The following PDE7B variants were observed in gnomAD, a reference collection of about 807,000 sequenced individuals.
PDE7B encodes 3',5'-cyclic-AMP phosphodiesterase 7B.
Under a neutral mutation model 56.2 loss-of-function variants are expected in PDE7B, and 29 were observed. The ratio of observed to expected loss-of-function variants is 0.52; its 90% CI spans 0.38 to 0.70. PDE7B has a LOEUF of 0.70. PDE7B is among the 30% of genes least tolerant of loss of function. The pLI, the probability that PDE7B is intolerant of heterozygous loss-of-function variation, is 0.00. For synonymous variants in PDE7B, 197 were observed against 196.9 expected (o/e 1.00, Z 0.00); for missense variants, 490 against 565.0 (o/e 0.87, Z 1.35).
intron 2 of PDE7B, chr6:135,993,062 C>A (rs907498357): frequency 3.3e-5 from 5 of 152,210 alleles, no homozygotes; most frequent in Admixed American, 6.5e-5. Flanking sequence ...GTTACCTTCT[C>A]CATCCTCATT....
At chr6:136,127,333 T>C (rs1180541572) in intron 3 of PDE7B, among the ~76,000 whole-genome samples, 1 of 152,152 alleles carries the variant, frequency 6.6e-6, no homozygotes, top group African/African-American at 2.4e-5. Flanking sequence ...GCCTCCCACA[T>C]TGAACTCATA....
At chr6:135,862,637 C>G (rs894985414) in intron 1 of PDE7B, among the ~76,000 whole-genome samples, 1 of 151,772 alleles carries the variant, frequency 6.6e-6, no homozygotes, top group Non-Finnish European at 1.5e-5. Context: ...ATAAGTCCAT[C>G]TGGGTCTGAA....
chr6:135,935,515 A>G (rs1409953500), intron 1 of PDE7B, among the ~76,000 whole-genome samples: 1 of 151,958 alleles, frequency 6.6e-6, no homozygotes, highest in Non-Finnish European at 1.5e-5. Flanking sequence ...CAGATTATGT[A>G]CTCATTCTTT....
At chr6:136,039,001 C>A (rs1409555874) in intron 2 of PDE7B, among the ~76,000 whole-genome samples, 1 of 152,162 alleles carries the variant, frequency 6.6e-6, no homozygotes, top group Non-Finnish European at 1.5e-5. Flanking sequence ...ATGTTCCCAG[C>A]ACTGAGTTTG....
chr6:136,009,575 G>A (rs1284606243), intron 2 of PDE7B, among the ~76,000 whole-genome samples: 1 of 152,048 alleles, frequency 6.6e-6, no homozygotes, highest in Non-Finnish European at 1.5e-5. Flanking sequence ...GGATTCCTAG[G>A]TATTTTATTC....
intron 1 of PDE7B, among the ~76,000 whole-genome samples, chr6:135,921,822 C>T (rs1774087062): frequency 6.6e-6 from 1 of 151,940 alleles, no homozygotes; most frequent in Admixed American, 6.6e-5. Context: ...CTCTTTCTAC[C>T]CTGTTCTCCA....
At chr6:135,954,865 G>A (rs1321091658) in intron 2 of PDE7B, among the ~76,000 whole-genome samples, 1 of 152,116 alleles carries the variant, frequency 6.6e-6, no homozygotes, top group African/African-American at 2.4e-5. Context: ...GTGGAAGGTT[G>A]CAGCATTTCC....
At chr6:136,073,735 T>A (rs1777086287) in intron 2 of PDE7B, among the ~76,000 whole-genome samples, 1 of 152,180 alleles carries the variant, frequency 6.6e-6, no homozygotes, top group Non-Finnish European at 1.5e-5. Context: ...CTCTAGCCCA[T>A]AACAGCATTT....
intron 2 of PDE7B, among the ~76,000 whole-genome samples, chr6:135,967,168 A>G (rs1186354179): frequency 6.6e-6 from 1 of 152,162 alleles, no homozygotes; most frequent in Admixed American, 6.6e-5. Context: ...GGTAGATTCA[A>G]TTGACAGTCT....
At chr6:136,092,934 G>A (rs1011849941) in intron 2 of PDE7B, among the ~76,000 whole-genome samples, 3 of 152,130 alleles carry the variant, frequency 2.0e-5, no homozygotes, top group Non-Finnish European at 2.9e-5. Flanking sequence ...GACCCTAAAT[G>A]TTCTCAACAC....
intron 2 of PDE7B, among the ~76,000 whole-genome samples, chr6:135,981,375 G>A (rs1775293176): frequency 6.6e-6 from 1 of 151,604 alleles, no homozygotes; most frequent in Non-Finnish European, 1.5e-5. Context: ...CATGGCACAT[G>A]TACACATATG....
chr6:136,183,263 T>C (rs1029938578), intron 11 of PDE7B, among the ~76,000 whole-genome samples: 12 of 152,012 alleles, frequency 7.9e-5, no homozygotes, highest in Admixed American at 2.6e-4. Context: ...TTTTATTTAA[T>C]AGCCTTATGG....
chr6:136,026,140 C>T (rs917194249), intron 2 of PDE7B, among the ~76,000 whole-genome samples: 1 of 152,290 alleles, frequency 6.6e-6, no homozygotes, highest in Admixed American at 6.5e-5. Flanking sequence ...CTCTGATAAC[C>T]CTCCATTGCT....
At chr6:135,877,578 C>T (rs1307688558) in intron 1 of PDE7B, among the ~76,000 whole-genome samples, 1 of 152,044 alleles carries the variant, frequency 6.6e-6, no homozygotes, top group East Asian at 1.9e-4. Flanking sequence ...CTCTAGGTTC[C>T]AGTTCCTTCA....
chr6:135,951,463 CA>C (rs1001077697), intron 2 of PDE7B, among the ~76,000 whole-genome samples: 9 of 151,984 alleles, frequency 5.9e-5, no homozygotes, highest in African/African-American at 1.9e-4. Flanking sequence ...AACTGTTGGG[CA>C]AAAAGAGCCC....
chr6:136,131,896 T>A (rs1408679673), intron 3 of PDE7B, among the ~76,000 whole-genome samples: 1 of 152,226 alleles, frequency 6.6e-6, no homozygotes, highest in Admixed American at 6.5e-5. Context: ...TTTCTCACTC[T>A]CTTGTTCACT....
At chr6:136,003,887 G>C (rs1229401782) in intron 2 of PDE7B, among the ~76,000 whole-genome samples, 1 of 152,160 alleles carries the variant, frequency 6.6e-6, no homozygotes, top group Non-Finnish European at 1.5e-5. Context: ...AAGCAGGGCA[G>C]AGACACAACC....
chr6:135,864,899 G>A (rs947562939), intron 1 of PDE7B, among the ~76,000 whole-genome samples: 19 of 151,138 alleles, frequency 1.3e-4, no homozygotes, highest in Non-Finnish European at 2.5e-4. Context: ...CCATTAACTC[G>A]TCATTTACAT....
At position 136,194,155 on chromosome 6, in the gene PDE7B, T is replaced by G. The variant is rs1164163134; in HGVS notation, c.*2315T>G. On this transcript the variant is annotated 3_prime_UTR_variant, in exon 13 of 13. Transcript: ENST00000308191. Reference sequence around the variant, plus strand: ...TTTTGAACAGTCTATTTTTAATGTATATGAGGTCAAATCAAGGAAGGCAAT... The same window carrying G: ...TTTTGAACAGTCTATTTTTAATGTAGATGAGGTCAAATCAAGGAAGGCAAT... The G allele has an allele frequency of 6.6e-6, 1 of 152,092 alleles. No individual in the cohort carries two copies. Among genetic ancestry groups the G allele is most frequent in the East Asian group, 1.9e-4 (1 of 5,190 alleles). The allele number at this position is 152,092 out of a possible 1,614,324, so 9.4% of individuals were successfully genotyped here. A position where few individuals can be genotyped will look rare whatever the true frequency, so the allele number is the denominator to read the frequency against.
Sources: allele counts gnomAD v4.1 joint callset (sites outside exome capture counted in the v4.1 genomes callset), GRCh38; gene constraint gnomAD v4.1.1; transcripts MANE v1.5; gene names NCBI Gene and HGNC (gene_info 2026-07-23, HGNC 2026-07-21).